Variants in FIGN observed in about 807,000 individuals in gnomAD.
FIGN encodes the protein fidgetin.
A neutral mutation model predicts 51.3 loss-of-function variants in FIGN; 11 were observed. The observed-to-expected ratio is 0.21, with a 90% CI of 0.13 to 0.35. The LOEUF is 0.35. FIGN is among the 10% of genes least tolerant of loss of function. The pLI is 1.00. For missense variants in FIGN, 857 were observed against 943.6 expected, an observed-to-expected ratio of 0.91 and a Z score of 1.20; for synonymous variants, 407 against 363.2, an observed-to-expected ratio of 1.12 and a Z score of -1.37.
rs1293137856 is a variant in FIGN, at chr2:163,637,909, A to G, written c.26-26103T>C. 2.0e-5 allele frequency among the ~76,000 whole-genome samples: 3 copies of G among 152,106 alleles called. No homozygotes were observed. In the East Asian group the frequency reaches 5.8e-4, roughly 30 times the overall value. ...CCACTGACAGAATCTCAAGTAAACA[A>G]AGCATCAGCAGAAAGCACGGTGCCT... On this transcript the variant is annotated intron_variant, in intron 2 of 2. Transcript: ENST00000333129.
rs1481569711 is a variant in FIGN, at chr2:163,610,783, C to T, written c.1049G>A (p.Arg350Lys). The change falls in exon 3 of 3, where the codon AGA becomes AAA. Residue 350 changes from arginine to lysine, a missense_variant. Transcript: ENST00000333129. ...QQRSTQSPMY[R>K]MPDNSISNTN... ...GTTTGAAATGCTGTTGTCGGGCATTCTGTACATAGGACTCTGTGTAGATCT... is the reference window on the plus strand; with the variant it reads ...GTTTGAAATGCTGTTGTCGGGCATTTTGTACATAGGACTCTGTGTAGATCT... 1 of 1,614,160 alleles carries T rather than the reference C, an allele frequency of 6.2e-7. No homozygotes were observed. Among genetic ancestry groups the T allele is most frequent in the East Asian group, 2.2e-5 (1 of 44,876 alleles).
chr2:163,691,655 C>A (rs1684241517), intron 2 of FIGN, among the ~76,000 whole-genome samples: 2 of 152,190 alleles, frequency 1.3e-5, no homozygotes, highest in Non-Finnish European at 2.9e-5. Context: ...TTCAATTCAG[C>A]CAGATTTAAT....
At chr2:163,687,545 A>T (rs529802317) in intron 2 of FIGN, among the ~76,000 whole-genome samples, 7 of 152,280 alleles carry the variant, frequency 4.6e-5, no homozygotes, top group Non-Finnish European at 1.0e-4. Flanking sequence ...GGTAACTGAG[A>T]CTGGTCAACT....
At chr2:163,618,583 C>G (rs1030081202) in intron 2 of FIGN, among the ~76,000 whole-genome samples, 1 of 151,824 alleles carries the variant, frequency 6.6e-6, no homozygotes, top group South Asian at 2.1e-4. Flanking sequence ...AAAAATCACT[C>G]GACTTTATGT....
chr2:163,729,892 T>C (rs1684898489), intron 2 of FIGN, among the ~76,000 whole-genome samples: 1 of 152,210 alleles, frequency 6.6e-6, no homozygotes, highest in Admixed American at 6.5e-5. Context: ...AAAGTGTCAA[T>C]ATTCAAATAA....
rs1009598043 is a variant in FIGN, at chr2:163,617,066, C to T, written c.26-5260G>A. ...TAATGCAGCCTTGTCTACTCATCCT[C>T]ATAAGCCAAGAGGCCAACACAGCAT... On this transcript the variant is annotated intron_variant, in intron 2 of 2. Transcript: ENST00000333129. 25 of 979,480 alleles carry T rather than the reference C, an allele frequency of 2.6e-5. No homozygotes were observed. The African/African-American group carries it at 3.9e-4, about 15-fold the overall frequency. The allele number at this position is 979,480 out of a possible 1,614,324, so 60.7% of individuals were successfully genotyped here. A position where few individuals can be genotyped will look rare whatever the true frequency, so the allele number is the denominator to read the frequency against.
At chr2:163,668,640 A>G (rs777031243) in intron 2 of FIGN, among the ~76,000 whole-genome samples, 3 of 152,118 alleles carry the variant, frequency 2.0e-5, no homozygotes, top group Admixed American at 6.6e-5. Context: ...AATAGGTAAA[A>G]CTTATAAGAG....
intron 2 of FIGN, among the ~76,000 whole-genome samples, chr2:163,671,437 C>T (rs1353772002): frequency 6.6e-6 from 1 of 152,132 alleles, no homozygotes; most frequent in Non-Finnish European, 1.5e-5. Context: ...ATTCTGAACT[C>T]AGAGCTCTAC....
intron 2 of FIGN, among the ~76,000 whole-genome samples, chr2:163,662,086 T>C (rs1683694045): frequency 6.6e-6 from 1 of 152,126 alleles, no homozygotes; most frequent in African/African-American, 2.4e-5. Context: ...GTGGGAAAGT[T>C]TGGAATTTCT....
intron 2 of FIGN, among the ~76,000 whole-genome samples, chr2:163,718,775 T>C (rs919750178): frequency 1.3e-5 from 2 of 152,058 alleles, no homozygotes; most frequent in Non-Finnish European, 2.9e-5. Flanking sequence ...AGAGAGATTG[T>C]ATGTTTCGAG....
At chr2:163,679,225 G>A (rs1022020135) in intron 2 of FIGN, among the ~76,000 whole-genome samples, 3 of 151,962 alleles carry the variant, frequency 2.0e-5, no homozygotes, top group Admixed American at 6.6e-5. Context: ...TGGGCGTGGC[G>A]ACTCACACCT....
intron 2 of FIGN, among the ~76,000 whole-genome samples, chr2:163,680,409 C>A (rs543971239): frequency 6.6e-6 from 1 of 152,258 alleles, no homozygotes; most frequent in Admixed American, 6.5e-5. Context: ...TTCCTCACTA[C>A]AGCCAACTAC....
chr2:163,733,215 A>G (rs1213863714), intron 2 of FIGN, among the ~76,000 whole-genome samples: 1 of 152,218 alleles, frequency 6.6e-6, no homozygotes, highest in Non-Finnish European at 1.5e-5. Flanking sequence ...ACTATTATTT[A>G]ATAGTAAGCA....
intron 2 of FIGN, among the ~76,000 whole-genome samples, chr2:163,713,635 G>A (rs1225460318): frequency 6.6e-6 from 1 of 151,982 alleles, no homozygotes; most frequent in Non-Finnish European, 1.5e-5. Context: ...TCTCCTCCTT[G>A]CCAAGATATT....
At chr2:163,676,434 A>AATATATATATAT (rs202072418) in intron 2 of FIGN, among the ~76,000 whole-genome samples, 4 of 65,856 alleles carry the variant, frequency 6.1e-5, no homozygotes, top group African/African-American at 9.9e-5. Flanking sequence ...GGATTCCTGG[A>AATATATATATAT]ATATATATAT....
intron 2 of FIGN, among the ~76,000 whole-genome samples, chr2:163,612,164 A>G (rs1691278943): frequency 6.6e-6 from 1 of 152,236 alleles, no homozygotes; most frequent in Admixed American, 6.5e-5. Flanking sequence ...GTCAAATTAG[A>G]ATTCAATCAT....
intron 2 of FIGN, among the ~76,000 whole-genome samples, chr2:163,678,958 T>C (rs527769499): frequency 2.7e-4 from 41 of 152,354 alleles, no homozygotes; most frequent in African/African-American, 9.1e-4. Flanking sequence ...AAGTGGTCTA[T>C]GATTTTATCA....
intron 2 of FIGN, among the ~76,000 whole-genome samples, chr2:163,659,622 T>C (rs982575630): frequency 2.6e-5 from 4 of 152,234 alleles, no homozygotes; most frequent in South Asian, 2.1e-4. Flanking sequence ...TGAAATATTT[T>C]GGTCAATTTA....
Position 163,611,235 on chromosome 2 carries a change from A to G in FIGN, c.597T>C (p.Ser199=), listed in dbSNP as rs1357722057. The G allele has an allele frequency of 1.9e-6, 3 of 1,614,138 alleles. No homozygotes were observed. The highest frequency in any genetic ancestry group is 1.3e-5 in the African/African-American group (1 of 75,044). The change falls in exon 3 of 3, where the codon AGT becomes AGC. Residue 199 remains serine (S), a synonymous_variant. Coordinates refer to ENST00000333129, the MANE Select transcript of FIGN (RefSeq NM_018086.4). ...YNGSYLHSTY[S]SQPAPALPSP... ...AAGGAAGTGCAGGTGCTGGCTGGCTACTATAAGTAGAATGCAAATATGATC... is the reference window on the plus strand; with the variant it reads ...AAGGAAGTGCAGGTGCTGGCTGGCTGCTATAAGTAGAATGCAAATATGATC...
Sources: allele counts gnomAD v4.1 joint callset (sites outside exome capture counted in the v4.1 genomes callset), GRCh38; gene constraint gnomAD v4.1.1; transcripts MANE v1.5; gene names NCBI Gene and HGNC (gene_info 2026-07-23, HGNC 2026-07-21).